INSIG1: variants seen among roughly 807,000 people sequenced by gnomAD.
The protein encoded by INSIG1 is insulin induced gene 1, also known as insulin-induced gene 1 protein.
INSIG1 carries 14 observed loss-of-function variants against 26.5 expected under a neutral mutation model. The ratio of observed to expected loss-of-function variants is 0.53; its 90% CI spans 0.35 to 0.83. INSIG1 has a LOEUF of 0.83. Among genes scored for constraint, INSIG1 ranks in the 40% least tolerant of loss-of-function variants. The pLI, the probability that INSIG1 is intolerant of heterozygous loss-of-function variation, is 0.01. For missense variants in INSIG1, 272 were observed against 368.9 expected, an observed-to-expected ratio of 0.74 and a Z score of 2.15; for synonymous variants, 147 against 153.3, an observed-to-expected ratio of 0.96 and a Z score of 0.30.
At position 155,310,169 on chromosome 7, in the gene INSIG1, T is replaced by TA. The variant is rs1472811133; in HGVS notation, c.*1900dup. On this transcript the variant is annotated 3_prime_UTR_variant, in exon 6 of 6. Coordinates refer to ENST00000340368, the MANE Select transcript of INSIG1 (RefSeq NM_005542.6). ...GAACATCTAGTGAGGTTCACATTCA[T>TA]ACTAAGTTTTCAACATTGTGTTCTT... The TA allele has an allele frequency of 2.0e-5, 3 of 152,696 alleles. No homozygotes were observed. Among genetic ancestry groups the TA allele is most frequent in the Non-Finnish European group, 4.4e-5 (3 of 68,052 alleles). The allele number at this position is 152,696 out of a possible 1,614,324, so 9.5% of individuals were successfully genotyped here.
rs1428439611 is a variant in INSIG1, at chr7:155,308,310, G to A, written c.*40G>A. Reference sequence around the variant, plus strand: ...CGATTCTGAGAGCAAGGAAGATTTTGGAAGAAAATCTGACTGTGGATTATG... The same window carrying A: ...CGATTCTGAGAGCAAGGAAGATTTTAGAAGAAAATCTGACTGTGGATTATG... On this transcript the variant is annotated 3_prime_UTR_variant, in exon 6 of 6. Coordinates refer to ENST00000340368, the MANE Select transcript of INSIG1 (RefSeq NM_005542.6). 4 of 1,611,422 alleles carry A rather than the reference G, an allele frequency of 2.5e-6. No individual in the cohort carries two copies. The highest frequency in any genetic ancestry group is 3.4e-6 in the Non-Finnish European group (4 of 1,177,866).
Position 155,298,713 on chromosome 7 carries a change from G to T in INSIG1, c.412+16G>T, listed in dbSNP as rs1297977590. On this transcript the variant is annotated intron_variant, in intron 2 of 5. Coordinates refer to ENST00000340368, the MANE Select transcript of INSIG1 (RefSeq NM_005542.6). ...ACAGCAGCTGGTGAGTACCCCTCCT[G>T]GTTCTTCTGGAAGTAAAAAGGGTGT... is the stretch of plus-strand genomic sequence containing the variant. 1.9e-6 allele frequency: 3 copies of T among 1,598,894 alleles called. No individual in the cohort carries two copies. Among genetic ancestry groups the T allele is most frequent in the Non-Finnish European group, 2.6e-6 (3 of 1,175,308 alleles).
At chr7:155,301,029 C>T (rs9771456) in intron 2 of INSIG1, among the ~76,000 whole-genome samples, 35,959 of 152,186 alleles carry the variant, frequency 0.24, 4,450 homozygotes, top group Middle Eastern at 0.28. Flanking sequence ...AACTCCAGGG[C>T]CACTCTAGGA....
chr7:155,304,603 A>C (rs1797884922), intron 5 of INSIG1, among the ~76,000 whole-genome samples: 2 of 152,240 alleles, frequency 1.3e-5, no homozygotes, highest in Admixed American at 6.5e-5. Context: ...GTGGAGGTAG[A>C]AATTTCACAA....
At chr7:155,303,749 T>G in intron 5 of INSIG1, 3 of 711,524 alleles carry the variant, frequency 4.2e-6, no homozygotes, top group Non-Finnish European at 6.4e-6. Flanking sequence ...GAGCTGTTGC[T>G]CTCGGAGATA....
In INSIG1 at chr7:155,303,996, T is replaced by C. The variant is rs935941030; in HGVS notation, c.804+1150T>C. Reference sequence around the variant, plus strand: ...CTTGCCTTTTTTTTTTTTTTTTTTTTTTGAGACAGAGCTCTGGAGTGCAGT... The same window carrying C: ...CTTGCCTTTTTTTTTTTTTTTTTTTCTTGAGACAGAGCTCTGGAGTGCAGT... On this transcript the variant is annotated intron_variant, in intron 5 of 5. Coordinates refer to ENST00000340368, the MANE Select transcript of INSIG1 (RefSeq NM_005542.6). 17 of 358,662 alleles carry C rather than the reference T, an allele frequency of 4.7e-5. No homozygotes were observed. In the African/African-American group the frequency reaches 5.8e-4, roughly 12 times the overall value. The allele number at this position is 358,662 out of a possible 1,614,324, so 22.2% of individuals were successfully genotyped here.
chr7:155,299,517 C>T (rs773608851), intron 2 of INSIG1, among the ~76,000 whole-genome samples: 1 of 152,140 alleles, frequency 6.6e-6, no homozygotes, highest in Non-Finnish European at 1.5e-5. Flanking sequence ...ACGAGCTTGT[C>T]GGGTGCTTTC....
rs756828723 is a variant in INSIG1, at chr7:155,308,286, G to A, written c.*16G>A. 2.9e-5 allele frequency: 46 copies of A among 1,612,542 alleles called. No individual in the cohort carries two copies. The highest frequency in any genetic ancestry group is 3.6e-5 in the Non-Finnish European group (42 of 1,179,118). ...TAGTGATTGAGTCTTCAAAACCACC[G>A]ATTCTGAGAGCAAGGAAGATTTTGG... On this transcript the variant is annotated 3_prime_UTR_variant, in exon 6 of 6. Transcript: ENST00000340368.
At chr7:155,301,713 C>G in intron 3 of INSIG1, 23 bp downstream of exon 3, 1 of 1,528,478 alleles carries the variant, frequency 6.5e-7, no homozygotes, top group Non-Finnish European at 8.9e-7. Flanking sequence ...TTCTGTGCTA[C>G]GTCCAGAGTA....
At chr7:155,304,981 C>CAAAAA (rs764489772) in intron 5 of INSIG1, among the ~76,000 whole-genome samples, 33 of 129,804 alleles carry the variant, frequency 2.5e-4, no homozygotes, top group African/African-American at 8.3e-4. Context: ...ACTAAAAATA[C>CAAAAA]AAAAAAAAAA....
At chr7:155,307,420 G>A (rs115226104) in intron 5 of INSIG1, among the ~76,000 whole-genome samples, 1,903 of 152,222 alleles carry the variant, frequency 0.013, 36 homozygotes, top group African/African-American at 0.044. Flanking sequence ...CGATTCTGAG[G>A]GAAAAAAATT....
At position 155,308,278 on chromosome 7, in the gene INSIG1, A is replaced by C; in HGVS notation, c.*8A>C. 6.2e-7 allele frequency: 1 copy of C among 1,612,790 alleles called. No individual in the cohort carries two copies. The highest frequency in any genetic ancestry group is 1.7e-5 in the Admixed American group (1 of 60,028). On this transcript the variant is annotated 3_prime_UTR_variant, in exon 6 of 6. Coordinates refer to ENST00000340368, the MANE Select transcript of INSIG1 (RefSeq NM_005542.6). ...AAGCCCCATAGTGATTGAGTCTTCA[A>C]AACCACCGATTCTGAGAGCAAGGAA...
chr7:155,301,958 A>AC (rs1797800684), intron 3 of INSIG1, among the ~76,000 whole-genome samples: 3 of 144,582 alleles, frequency 2.1e-5, no homozygotes, highest in Admixed American at 6.9e-5. Context: ...TAATATATAT[A>AC]ATAAATATAT....
At chr7:155,304,336 C>G (rs536510163) in intron 5 of INSIG1, among the ~76,000 whole-genome samples, 3 of 152,276 alleles carry the variant, frequency 2.0e-5, no homozygotes, top group African/African-American at 7.2e-5. Flanking sequence ...CGCCATCATC[C>G]CCGTTAATAG....
intron 2 of INSIG1, among the ~76,000 whole-genome samples, chr7:155,300,377 G>A (rs368548957): frequency 8.7e-4 from 132 of 152,106 alleles, no homozygotes; most frequent in African/African-American, 3.1e-3. Flanking sequence ...AATTTGGGGG[G>A]TCCATTTTTC....
chr7:155,300,943 C>T (rs567590651), intron 2 of INSIG1, among the ~76,000 whole-genome samples: 2 of 152,242 alleles, frequency 1.3e-5, no homozygotes, highest in African/African-American at 2.4e-5. Context: ...TGTCTCGCCC[C>T]GTACTTGCCC....
intron 1 of INSIG1, 150 bp downstream of exon 1, chr7:155,298,109 C>T: frequency 3.7e-6 from 2 of 533,780 alleles, no homozygotes; most frequent in South Asian, 1.0e-4. Flanking sequence ...GAGCGCGGGT[C>T]CCGTCCGCCG....
In INSIG1 at chr7:155,309,184, T is replaced by C. The variant is rs1449789884; in HGVS notation, c.*914T>C. 2 of 152,576 alleles carry C rather than the reference T, an allele frequency of 1.3e-5. No homozygotes were observed. The highest frequency in any genetic ancestry group is 2.4e-5 in the African/African-American group (1 of 41,462). The allele number at this position is 152,576 out of a possible 1,614,324, so 9.5% of individuals were successfully genotyped here. On this transcript the variant is annotated 3_prime_UTR_variant, in exon 6 of 6. Coordinates refer to ENST00000340368, the MANE Select transcript of INSIG1 (RefSeq NM_005542.6). ...GTAAAAAGGAGAGTGCATATGGCAC[T>C]GCATTAAACGTGTGGTGTTTCTAGT... is the stretch of plus-strand genomic sequence containing the variant.
chr7:155,308,878 C>T lies in INSIG1; in HGVS notation c.*608C>T, dbSNP rs1798011802. ...TTTACATGGTCACACGTGTGTGTAT[C>T]ACCAGTGGGTCAACTGCTTGTCATT... On this transcript the variant is annotated 3_prime_UTR_variant, in exon 6 of 6. Transcript: ENST00000340368. The T allele has an allele frequency of 6.5e-6, 1 of 152,812 alleles. No individual in the cohort carries two copies. 9.5% of individuals were successfully genotyped at this position (152,812 alleles called of 1,614,324 possible). A position where few individuals can be genotyped will look rare whatever the true frequency, so the allele number is the denominator to read the frequency against.
Sources: gnomAD v4.1 joint callset for allele counts (sites outside exome capture counted in the v4.1 genomes callset) on GRCh38, gnomAD v4.1.1 for gene constraint, MANE v1.5 for transcripts, NCBI Gene and HGNC (gene_info 2026-07-23, HGNC 2026-07-21) for gene names.